The following NPSR1 variants were observed in gnomAD, a reference collection of about 807,000 sequenced individuals.
NPSR1 encodes neuropeptide S receptor 1.
NPSR1 carries 48 observed loss-of-function variants against 46.9 expected under a neutral mutation model. The observed-to-expected ratio is 1.02, with a 90% CI of 0.81 to 1.30. The LOEUF is 1.30. Ranked by LOEUF, NPSR1 falls within the 50% of genes most tolerant of loss-of-function variation. NPSR1 has a pLI of 0.00. For missense variants in NPSR1, 450 were observed against 449.5 expected, an observed-to-expected ratio of 1.00 and a Z score of -0.01; for synonymous variants, 176 against 168.1, an observed-to-expected ratio of 1.05 and a Z score of -0.36.
intron 3 of NPSR1, among the ~76,000 whole-genome samples, chr7:34,810,992 G>A (rs1013424314): frequency 1.3e-5 from 2 of 152,188 alleles, no homozygotes; most frequent in Non-Finnish European, 2.9e-5. Flanking sequence ...GCATGCAGAA[G>A]GGTAGGTGCA....
intron 6 of NPSR1, among the ~76,000 whole-genome samples, chr7:34,840,790 G>C (rs922178176): frequency 6.6e-6 from 1 of 152,160 alleles, no homozygotes; most frequent in African/African-American, 2.4e-5. Context: ...AGCCTAGAAA[G>C]CAGGATCCAG....
intron 2 of NPSR1, among the ~76,000 whole-genome samples, chr7:34,743,012 T>A (rs1002095081): frequency 1.1e-4 from 17 of 152,234 alleles, no homozygotes; most frequent in Non-Finnish European, 1.6e-4. Flanking sequence ...GTTTTTCTCT[T>A]GTAAATTTGT....
chr7:34,729,863 C>T (rs1784342114), intron 2 of NPSR1, among the ~76,000 whole-genome samples: 1 of 152,210 alleles, frequency 6.6e-6, no homozygotes, highest in African/African-American at 2.4e-5. Context: ...ACCTCCGCCT[C>T]CCCAGTTCAA....
chr7:34,750,944 G>C lies in NPSR1; in HGVS notation c.281-27518G>C. The C allele has an allele frequency of 5.3e-6, 4 of 754,500 alleles. No individual in the cohort carries two copies. In the South Asian group the frequency reaches 5.4e-5, roughly 10 times the overall value. The allele number at this position is 754,500 out of a possible 1,614,324, so 46.7% of individuals were successfully genotyped here. ...CCAGCTCGGGGTCTGACAGGTGGCT[G>C]ATGATATCTGGAAGGAGACTATAGA... On this transcript the variant is annotated intron_variant, in intron 2 of 8. Coordinates refer to ENST00000360581, the MANE Select transcript of NPSR1 (RefSeq NM_207172.2).
chr7:34,835,558 TC>T (rs1364319899), intron 6 of NPSR1, among the ~76,000 whole-genome samples: 1 of 152,184 alleles, frequency 6.6e-6, no homozygotes, highest in Non-Finnish European at 1.5e-5. Flanking sequence ...GCTTGTTTTC[TC>T]CCTCTTAAAG....
At chr7:34,662,495 C>T (rs1791506806) in intron 1 of NPSR1, among the ~76,000 whole-genome samples, 1 of 152,180 alleles carries the variant, frequency 6.6e-6, no homozygotes, top group South Asian at 2.1e-4. Context: ...TTCCTGGAAT[C>T]CAGAATCCCT....
intron 2 of NPSR1, among the ~76,000 whole-genome samples, chr7:34,712,058 G>C (rs1425474468): frequency 2.6e-5 from 4 of 152,004 alleles, no homozygotes; most frequent in African/African-American, 9.7e-5. Flanking sequence ...TGATTGACTG[G>C]TATTTCTCTT....
intron 8 of NPSR1, among the ~76,000 whole-genome samples, chr7:34,863,301 C>T (rs943048026): frequency 5.9e-5 from 9 of 151,740 alleles, no homozygotes; most frequent in African/African-American, 1.9e-4. Flanking sequence ...TAGGCAATAC[C>T]ATTAGGACAT....
In NPSR1 at chr7:34,873,239, C is replaced by G. The variant is rs568579005; in HGVS notation, c.1026-4837C>G. 3.3e-5 allele frequency among the ~76,000 whole-genome samples: 5 copies of G among 151,974 alleles called. No individual in the cohort carries two copies. In the East Asian group the frequency reaches 9.6e-4, roughly 29 times the overall value. On this transcript the variant is annotated intron_variant, in intron 8 of 8. Coordinates refer to the NPSR1 transcript ENST00000359791. ...ATTTAGCCAGTCTACAAGTTGCAAA[C>G]TTTCCTTCATCTTCCTGTCTTCTTC...
At chr7:34,753,122 A>G (rs1187049925) in intron 2 of NPSR1, among the ~76,000 whole-genome samples, 1 of 152,180 alleles carries the variant, frequency 6.6e-6, no homozygotes, top group East Asian at 1.9e-4. Context: ...CACTACAGGA[A>G]GTGGCAAAAA....
rs1790828835 is a variant in NPSR1 at position 34,848,663 on chromosome 7, G to C, written c.1025G>C (p.Arg342Thr). The change falls in exon 8 of 9, where the codon AGG becomes ACG. Residue 342 changes from arginine to threonine, a missense_variant and splice_region_variant. Physicochemically the swap from Arg to Thr is moderately conservative, Grantham distance 71. Transcript: ENST00000360581. ...VFSSSISFPC[R>T]EQRSQDSRMT... ...AGCAGCTCCATCTCTTTCCCCTGCA[G>C]GTAAGGGGAGCTCTTGCATGGGTCA... The C allele has an allele frequency of 1.2e-6, 2 of 1,612,626 alleles. No homozygotes were observed. Among genetic ancestry groups the C allele is most frequent in the African/African-American group, 2.7e-5 (2 of 74,908 alleles).
intron 8 of NPSR1, among the ~76,000 whole-genome samples, chr7:34,869,585 G>T (rs572536586): frequency 6.6e-6 from 1 of 151,534 alleles, no homozygotes; most frequent in Non-Finnish European, 1.5e-5. Context: ...CAATGTTCCC[G>T]GACTTCCTAT....
intron 3 of NPSR1, 28 bp from the exon 4 acceptor site, chr7:34,811,742 A>G (rs745447749): frequency 6.5e-7 from 1 of 1,533,188 alleles, no homozygotes; most frequent in Non-Finnish European, 9.0e-7. Flanking sequence ...CTCTGAAGTC[A>G]TAAGCTTCCT....
intron 2 of NPSR1, among the ~76,000 whole-genome samples, chr7:34,761,489 CTA>C (rs1786171540): frequency 6.6e-6 from 1 of 152,190 alleles, no homozygotes; most frequent in African/African-American, 2.4e-5. Flanking sequence ...CAGCATATCT[CTA>C]TGTCTGCCTC....
chr7:34,848,128 T>C (rs1223611927), intron 7 of NPSR1, among the ~76,000 whole-genome samples: 1 of 152,190 alleles, frequency 6.6e-6, no homozygotes, highest in Non-Finnish European at 1.5e-5. Context: ...CTTCAAAGTA[T>C]TTTGCTGTTT....
intron 2 of NPSR1, among the ~76,000 whole-genome samples, chr7:34,689,644 A>G (rs1243436059): frequency 6.7e-6 from 1 of 149,046 alleles, no homozygotes; most frequent in Non-Finnish European, 1.5e-5. Context: ...AGAAAAGAAA[A>G]GAAAGAAAGA....
chr7:34,758,246 C>A (rs1161879319), intron 2 of NPSR1: 1 of 152,296 alleles, frequency 6.6e-6, no homozygotes, highest in Non-Finnish European at 1.5e-5. Context: ...TTTGCTCTTA[C>A]TAACATCTAT....
chr7:34,805,628 C>G (rs1475967738), intron 3 of NPSR1, among the ~76,000 whole-genome samples: 1 of 151,774 alleles, frequency 6.6e-6, no homozygotes, highest in African/African-American at 2.4e-5. Flanking sequence ...GGGACCTACT[C>G]TTTGTCTATG....
At chr7:34,784,618 T>C (rs1329296196) in intron 3 of NPSR1, among the ~76,000 whole-genome samples, 1 of 152,030 alleles carries the variant, frequency 6.6e-6, no homozygotes, top group Admixed American at 6.5e-5. Flanking sequence ...CCATCAATGT[T>C]CATCAAGGAT....
Sources: allele counts gnomAD v4.1 joint callset (sites outside exome capture counted in the v4.1 genomes callset), GRCh38; gene constraint gnomAD v4.1.1; transcripts MANE v1.5; gene names NCBI Gene and HGNC (gene_info 2026-07-23, HGNC 2026-07-21).